MAP4: variants seen among roughly 807,000 people sequenced by gnomAD.
The protein encoded by MAP4 is microtubule associated protein 4.
In MAP4, 76 loss-of-function variants were observed where a neutral mutation model predicts 170.2. The observed-to-expected ratio is 0.45, with a 90% CI of 0.37 to 0.54. The LOEUF (loss-of-function observed/expected upper bound fraction) is 0.54. Ranked by LOEUF, MAP4 falls within the 20% of genes least tolerant of loss-of-function variation. The pLI is 0.00. For synonymous variants in MAP4, 909 were observed against 994.5 expected, an observed-to-expected ratio of 0.91 and a Z score of 1.62; for missense variants, 2,506 against 2,748.0, an observed-to-expected ratio of 0.91 and a Z score of 1.97.
intron 20 of MAP4, 21 bp from the exon 21 acceptor site, chr3:47,852,959 G>A (rs745469543): frequency 9.3e-6 from 15 of 1,613,892 alleles, no homozygotes; most frequent in Non-Finnish European, 1.0e-5. Flanking sequence ...ATGGGAGGAG[G>A]GAAGGGAGAG....
intron 10 of MAP4, among the ~76,000 whole-genome samples, chr3:47,887,588 C>T (rs1021352314): frequency 6.6e-6 from 1 of 152,180 alleles, no homozygotes; most frequent in African/African-American, 2.4e-5. Flanking sequence ...CTGAGGAATG[C>T]GAACGCACCA....
At chr3:47,921,903 C>T in intron 4 of MAP4, 25 bp from the exon 5 acceptor site, 1 of 1,006,810 alleles carries the variant, frequency 9.9e-7, no homozygotes, top group Middle Eastern at 2.0e-4. Context: ...AAATCCAAAA[C>T]TCATTCCTGG....
chr3:47,854,429 C>T (rs1178947613), intron 19 of MAP4, among the ~76,000 whole-genome samples: 1 of 152,196 alleles, frequency 6.6e-6, no homozygotes, highest in Non-Finnish European at 1.5e-5. Flanking sequence ...GTGGCTGGCA[C>T]TGGGGAGCAG....
At chr3:47,985,695 C>T (rs1041335389) in intron 2 of MAP4, among the ~76,000 whole-genome samples, 7 of 151,948 alleles carry the variant, frequency 4.6e-5, no homozygotes, top group Non-Finnish European at 8.8e-5. Flanking sequence ...CCATACTATT[C>T]AAAATATTAA....
intron 2 of MAP4, chr3:47,987,304 TA>T: frequency 9.4e-7 from 1 of 1,063,964 alleles, no homozygotes; most frequent in Non-Finnish European, 1.3e-6. Flanking sequence ...TTAATAAGTG[TA>T]AGATAACAAA....
Position 47,853,197 on chromosome 3 carries a change from C to T in MAP4, c.6852G>A (p.Glu2284=), listed in dbSNP as rs1559753678. Residue 2284 remains glutamate, a synonymous_variant, in exon 20 of 21, where the codon GAG becomes GAA. Transcript: ENST00000683076. ...GGATCTGGCTGTCCAAGGTCTGGGCCTCCCTTTGGTCACCACCCCCTGACA... is the reference window on the plus strand; with the variant it reads ...GGATCTGGCTGTCCAAGGTCTGGGCTTCCCTTTGGTCACCACCCCCTGACA... The part of the protein sequence containing the change: ...PTLSGGGDQR[E]AQTLDSQIQE... 1.9e-6 allele frequency: 3 copies of T among 1,581,726 alleles called. No homozygotes were observed. The highest frequency in any genetic ancestry group is 3.5e-5 in the Admixed American group (2 of 56,406).
chr3:48,080,031 C>T (rs1437380225), intron 1 of MAP4, among the ~76,000 whole-genome samples: 4 of 151,740 alleles, frequency 2.6e-5, no homozygotes, highest in African/African-American at 9.7e-5. Context: ...GCACATTTCA[C>T]GAGAGGTAGC....
At chr3:47,886,431 G>A (rs998781602) in intron 10 of MAP4, among the ~76,000 whole-genome samples, 4 of 152,166 alleles carry the variant, frequency 2.6e-5, no homozygotes, top group African/African-American at 4.8e-5. Flanking sequence ...CTCCCAAACA[G>A]TTGGGACTAT....
At chr3:48,062,983 TG>T (rs2100136633) in intron 1 of MAP4, among the ~76,000 whole-genome samples, 1 of 150,632 alleles carries the variant, frequency 6.6e-6, no homozygotes, top group African/African-American at 2.4e-5. Flanking sequence ...GCAAAAGATC[TG>T]AACAGACACT....
At chr3:48,086,944 G>T (rs1317114713) in intron 1 of MAP4, among the ~76,000 whole-genome samples, 1 of 152,200 alleles carries the variant, frequency 6.6e-6, no homozygotes, top group African/African-American at 2.4e-5. Context: ...CTATGTGGGG[G>T]TTGGAGAGAC....
chr3:47,901,606 G>A (rs116448102), intron 10 of MAP4, among the ~76,000 whole-genome samples: 168 of 151,770 alleles, frequency 1.1e-3, no homozygotes, highest in African/African-American at 3.7e-3. Context: ...CCCAGGAGGC[G>A]GAGGCTGTAG....
rs1395158627 is a variant in MAP4, at chr3:47,911,996, A to AT, written c.2424dup (p.Ser809IlefsTer30). On this transcript the variant is annotated frameshift_variant, in exon 9 of 21. Transcript: ENST00000683076. LOFTEE classifies it high-confidence loss of function. This position sits in a 1 kb window ranked among gnomAD's most constrained non-coding sequence, Gnocchi z 4.0. ...GTAGGCTGGCTGGGGAGAACACCTGATTTTTGTGTGTCAGCTGCAAATGGA... is the reference window on the plus strand; with the variant it reads ...GTAGGCTGGCTGGGGAGAACACCTGATTTTTTGTGTGTCAGCTGCAAATGGA... The AT allele has an allele frequency of 1.8e-5, 27 of 1,535,862 alleles. No individual in the cohort carries two copies. The highest frequency in any genetic ancestry group is 2.3e-5 in the Non-Finnish European group (26 of 1,146,890).
At chr3:47,882,151 C>G (rs1366290526) in intron 10 of MAP4, among the ~76,000 whole-genome samples, 1 of 151,972 alleles carries the variant, frequency 6.6e-6, no homozygotes, top group Non-Finnish European at 1.5e-5. Context: ...TTGTGGTGGG[C>G]GCCTGTAATC....
At chr3:47,869,893 G>C (rs531985091) in intron 15 of MAP4, among the ~76,000 whole-genome samples, 46 of 152,282 alleles carry the variant, frequency 3.0e-4, no homozygotes, top group Non-Finnish European at 5.7e-4. Context: ...CCAGAGGCCT[G>C]CTGGGCACAC....
chr3:47,932,415 G>A (rs902486356), intron 3 of MAP4, among the ~76,000 whole-genome samples: 7 of 152,136 alleles, frequency 4.6e-5, no homozygotes, highest in Non-Finnish European at 8.8e-5. Context: ...GTGGGAACGT[G>A]TTTCAATTAT....
rs1400825824 is a variant in MAP4 at position 47,911,168 on chromosome 3, G to A, written c.3253C>T (p.Pro1085Ser). The change falls in exon 9 of 21, where the codon CCA (proline) becomes TCA (serine). Residue 1085 changes from proline to serine, a missense_variant. Physicochemically the swap from Pro to Ser is moderately conservative, Grantham distance 74 (BLOSUM62 -1). Coordinates refer to ENST00000683076, the MANE Select transcript of MAP4 (RefSeq NM_001385682.1). This position sits in a 1 kb window ranked among gnomAD's most constrained non-coding sequence, Gnocchi z 4.0. ...SGKVKAKSEL[P>S]FLLDSQKDGR... ...TCCTTCTGGCTGTCCAGAAGAAATG[G>A]CAGCTCAGATTTTGCTTTTACCTTC... is the stretch of plus-strand genomic sequence containing the variant. 2.0e-6 allele frequency: 3 copies of A among 1,536,094 alleles called. No homozygotes were observed. Among genetic ancestry groups the A allele is most frequent in the African/African-American group, 2.7e-5 (2 of 73,156 alleles).
intron 1 of MAP4, among the ~76,000 whole-genome samples, chr3:48,078,317 T>A (rs894734793): frequency 8.9e-5 from 13 of 146,356 alleles, no homozygotes; most frequent in Non-Finnish European, 1.2e-4. Context: ...GCTAATTTTT[T>A]TTTTTTTTTT....
chr3:48,087,732 C>CACACACGCGCGCGCGCACACACACAT, intron 1 of MAP4, among the ~76,000 whole-genome samples: 1 of 116,490 alleles, frequency 8.6e-6, no homozygotes, highest in African/African-American at 3.4e-5. Flanking sequence ...CGCACGCGCA[C>CACACACGCGCGCGCGCACACACACAT]ACACACGCAC....
chr3:47,874,053 C>T (rs1397933974), intron 12 of MAP4, among the ~76,000 whole-genome samples: 5 of 152,206 alleles, frequency 3.3e-5, no homozygotes. Context: ...GATGAAGAGG[C>T]CACTGGCCAA....
Sources: allele counts gnomAD v4.1 joint callset (sites outside exome capture counted in the v4.1 genomes callset), GRCh38; gene constraint gnomAD v4.1.1; non-coding constraint Gnocchi (gnomAD v3.1); transcripts MANE v1.5; gene names NCBI Gene and HGNC (gene_info 2026-07-23, HGNC 2026-07-21).